KMT2D: variants seen among roughly 807,000 people sequenced by gnomAD.
KMT2D encodes the protein lysine methyltransferase 2D.
Under a neutral mutation model 512.7 loss-of-function variants are expected in KMT2D, and 55 were observed. The observed-to-expected ratio is 0.11, with a 90% CI of 0.09 to 0.13. The LOEUF is 0.13. Ranked by LOEUF, KMT2D falls within the 10% of genes least tolerant of loss-of-function variation. The pLI is 1.00. For missense variants in KMT2D, 6,061 were observed against 7,127.9 expected, an observed-to-expected ratio of 0.85 and a Z score of 5.39; for synonymous variants, 2,995 against 2,904.0, an observed-to-expected ratio of 1.03 and a Z score of -1.01.
rs758096542 is a variant in KMT2D at position 49,054,178 on chromosome 12, T to C, written c.511-38A>G. On this transcript the variant is annotated intron_variant, in intron 5 of 54. Transcript: ENST00000301067. The surrounding 1 kb of genome is among the most constrained non-coding windows in gnomAD (Gnocchi z 6.4). Reference sequence around the variant, plus strand: ...AAAAAGAGCCTCAGTGTCAGCCAGCTCTCCCCAGACAAACAGTTCAGGCAC... The same window carrying C: ...AAAAAGAGCCTCAGTGTCAGCCAGCCCTCCCCAGACAAACAGTTCAGGCAC... 6.4e-7 allele frequency: 1 copy of C among 1,556,594 alleles called. No individual in the cohort carries two copies.
Position 49,046,853 on chromosome 12 carries a change from T to C in KMT2D, c.4237-63A>G. 7.5e-7 allele frequency: 1 copy of C among 1,326,412 alleles called. No homozygotes were observed. Among genetic ancestry groups the C allele is most frequent in the Non-Finnish European group, 1.0e-6 (1 of 976,356 alleles). 82.2% of individuals were successfully genotyped at this position (1,326,412 alleles called of 1,614,324 possible). A position where few individuals can be genotyped will look rare whatever the true frequency, so the allele number is the denominator to read the frequency against. On this transcript the variant is annotated intron_variant, in intron 15 of 54. Coordinates refer to ENST00000301067, the MANE Select transcript of KMT2D (RefSeq NM_003482.4). The surrounding 1 kb of genome is among the most constrained non-coding windows in gnomAD (Gnocchi z 4.2). ...GGAAAAGAGGTAGAACTTCTTTTTATTTTTTTTTGGAGATGGAGTTTTGCT... is the reference window on the plus strand; with the variant it reads ...GGAAAAGAGGTAGAACTTCTTTTTACTTTTTTTTGGAGATGGAGTTTTGCT...
Position 49,038,876 on chromosome 12 carries a change from G to T in KMT2D, c.8480C>A (p.Thr2827Asn). 1 of 1,551,890 alleles carries T rather than the reference G, an allele frequency of 6.4e-7. No individual in the cohort carries two copies. Among genetic ancestry groups the T allele is most frequent in the Non-Finnish European group, 8.7e-7 (1 of 1,147,118 alleles). ...AGCTGACATGGCAAATCGCATGGAG[G>T]TTGCTGCTGTTGCCTGTTGTTGCTG... ...LWQQQQATAA[T>N]SMRFAMSARF... Residue 2827 changes from threonine (T) to asparagine (N), a missense_variant, in exon 35 of 55, where the codon ACC becomes AAC. Thr to Asn is a moderately conservative substitution (Grantham distance 65). Coordinates refer to ENST00000301067, the MANE Select transcript of KMT2D (RefSeq NM_003482.4). The surrounding 1 kb of genome is among the most constrained non-coding windows in gnomAD (Gnocchi z 5.7).
rs2120549404 is a variant in KMT2D at position 49,041,604 on chromosome 12, A to G, written c.6234+51T>C. 1 of 1,612,972 alleles carries G rather than the reference A, an allele frequency of 6.2e-7. No individual in the cohort carries two copies. The highest frequency in any genetic ancestry group is 8.5e-7 in the Non-Finnish European group (1 of 1,179,346). The stretch of plus-strand genomic sequence containing the variant: ...CAGGCCCCATGGCCCTCCACCCTCA[A>G]GAGAGGCCACCCACTAGAGGACTGC... On this transcript the variant is annotated intron_variant, in intron 31 of 54. Transcript: ENST00000301067. This position sits in a 1 kb window ranked among gnomAD's most constrained non-coding sequence, Gnocchi z 5.4.
In KMT2D at chr12:49,054,577, C is replaced by T. The variant is rs1327465795; in HGVS notation, c.351G>A (p.Gln117=). Residue 117 remains glutamine, a synonymous_variant, in exon 4 of 55, where the codon CAG becomes CAA. Transcript: ENST00000301067. The surrounding 1 kb of genome is among the most constrained non-coding windows in gnomAD (Gnocchi z 6.4). Reference sequence around the variant, plus strand: ...GTGTAAGGCCCTCAGGGAAACCAATCTGTGATAGGTCCTCACTGGGCAGCA... The same window carrying T: ...GTGTAAGGCCCTCAGGGAAACCAATTTGTGATAGGTCCTCACTGGGCAGCA... ...EAVLPSEDLS[Q]IGFPEGLTPA... 1 of 1,613,184 alleles carries T rather than the reference C, an allele frequency of 6.2e-7. No individual in the cohort carries two copies. The highest frequency in any genetic ancestry group is 8.5e-7 in the Non-Finnish European group (1 of 1,179,496).
intron 15 of KMT2D, among the ~76,000 whole-genome samples, chr12:49,047,020 G>T (rs910809853): frequency 4.6e-5 from 7 of 151,758 alleles, no homozygotes; most frequent in African/African-American, 1.2e-4. Context: ...TAATTTTTTT[G>T]TATTTAGTAG....
rs1428922031 is a variant in KMT2D at position 49,022,367 on chromosome 12, G to A, written c.16339-14C>T. On this transcript the variant is annotated splice_polypyrimidine_tract_variant and intron_variant, in intron 52 of 54. Coordinates refer to ENST00000301067, the MANE Select transcript of KMT2D (RefSeq NM_003482.4). This position sits in a 1 kb window ranked among gnomAD's most constrained non-coding sequence, Gnocchi z 8.6. ...GATGCCTCGATTCTAGAAAGGCAGA[G>A]GTTGCAGAAGAAGGGACAAGAGTAT... is the stretch of plus-strand genomic sequence containing the variant. 6.3e-7 allele frequency: 1 copy of A among 1,598,578 alleles called. No homozygotes were observed. The highest frequency in any genetic ancestry group is 2.2e-5 in the East Asian group (1 of 44,480).
Position 49,050,107 on chromosome 12 carries a change from C to T in KMT2D, c.3481G>A (p.Ala1161Thr), listed in dbSNP as rs771857122. The T allele has an allele frequency of 6.2e-7, 1 of 1,613,472 alleles. No individual in the cohort carries two copies. The highest frequency in any genetic ancestry group is 1.3e-5 in the African/African-American group (1 of 75,036). ...TAGACCTCCATAGGGGTCACAGGGG[C>T]CAGCTCCTCGGGGTCCAGGAGCACA... ...SPVLLDPEEL[A>T]PVTPMEVYPE... Residue 1161 changes from alanine to threonine, a missense_variant, in exon 12 of 55, where the codon GCC (alanine) becomes ACC (threonine). By Grantham distance (58) the Ala-to-Thr change is moderately conservative. Transcript: ENST00000301067.
chr12:49,038,395 G>A lies in KMT2D; in HGVS notation c.8961C>T (p.Pro2987=), dbSNP rs2120496267. The change falls in exon 35 of 55, where the codon CCC becomes CCT. Residue 2987 remains proline (P), a synonymous_variant. Transcript: ENST00000301067. This position sits in a 1 kb window ranked among gnomAD's most constrained non-coding sequence, Gnocchi z 5.7. The part of the protein sequence containing the change: ...NPLALEAGKL[P]CEDPELDDDF... ...CGTCATCCAGCTCGGGATCCTCACA[G>A]GGCAACTTCCCAGCTTCCAGGGCCA... 2 of 1,613,846 alleles carry A rather than the reference G, an allele frequency of 1.2e-6. No homozygotes were observed. The highest frequency in any genetic ancestry group is 2.7e-5 in the African/African-American group (2 of 75,030).
chr12:49,040,679 C>T lies in KMT2D; in HGVS notation c.7091G>A (p.Ser2364Asn), dbSNP rs758139100. The T allele has an allele frequency of 1.2e-6, 2 of 1,613,746 alleles. No individual in the cohort carries two copies. The highest frequency in any genetic ancestry group is 8.5e-7 in the Non-Finnish European group (1 of 1,179,800). ...GCCAGGGCGAAAGATGTCTGGGTGA[C>T]TTGGAGGAGAAGGTGCCAAAGCCTG... The part of the protein sequence containing the change: ...PAQALAPSPP[S>N]HPDIFRPGSY... Residue 2364 changes from serine to asparagine, a missense_variant, in exon 32 of 55, where the codon AGT becomes AAT. Ser to Asn is a conservative substitution (Grantham distance 46, BLOSUM62 1). Coordinates refer to ENST00000301067, the MANE Select transcript of KMT2D (RefSeq NM_003482.4).
rs1221232878 is a variant in KMT2D at position 49,037,429 on chromosome 12, G to T, written c.9927C>A (p.Ser3309=). ...HEGSSPSLAG[S]QQQLSLGLAG... is the part of the protein sequence containing the mutation. ...CAAGACCCAGGGAAAGCTGCTGTTG[G>T]GACCCAGCCAAACTGGGAGAAGAGC... is the stretch of plus-strand genomic sequence containing the variant. Residue 3309 remains serine, a synonymous_variant, in exon 35 of 55, where the codon TCC becomes TCA. Transcript: ENST00000301067. 1.3e-6 allele frequency: 2 copies of T among 1,594,048 alleles called. No individual in the cohort carries two copies. The highest frequency in any genetic ancestry group is 1.1e-5 in the South Asian group (1 of 88,040).
At position 49,050,375 on chromosome 12, in the gene KMT2D, G is replaced by A. The variant is rs764855825; in HGVS notation, c.3213C>T (p.His1071=). The change falls in exon 12 of 55, where the codon CAC becomes CAT. Residue 1071 remains histidine (H), a synonymous_variant. Coordinates refer to ENST00000301067, the MANE Select transcript of KMT2D (RefSeq NM_003482.4). ...VVGVSDEAEL[H]EMETEKVSEP... is the part of the protein sequence containing the mutation. ...CTGAAACTTTCTCAGTCTCCATCTC[G>A]TGCAGCTCAGCCTCATCTGAGACCC... is the stretch of plus-strand genomic sequence containing the variant. 53 of 1,612,630 alleles carry A rather than the reference G, an allele frequency of 3.3e-5. No individual in the cohort carries two copies. The highest frequency in any genetic ancestry group is 1.1e-4 in the South Asian group (10 of 90,894).
At chr12:49,036,874 T>TTTTG (rs1943248825) in intron 35 of KMT2D, among the ~76,000 whole-genome samples, 1 of 152,238 alleles carries the variant, frequency 6.6e-6, no homozygotes, top group African/African-American at 2.4e-5. Flanking sequence ...AAGGCTCTGC[T>TTTTG]AATTAGGCTT....
chr12:49,030,395 G>T lies in KMT2D; in HGVS notation c.13884C>A (p.Pro4628=). ...TCTGCTGCACCGATGGGGGTGGGGT[G>T]GGGGGCAGCGACGAGGGTGGTGTCG... ...NPPTPPSSLP[P]TPPPSVQQKM... is the part of the protein sequence containing the mutation. The change falls in exon 43 of 55, where the codon CCC becomes CCA. Residue 4628 remains proline, a synonymous_variant. Transcript: ENST00000301067. 1 of 1,573,180 alleles carries T rather than the reference G, an allele frequency of 6.4e-7. No homozygotes were observed. The highest frequency in any genetic ancestry group is 8.7e-7 in the Non-Finnish European group (1 of 1,154,102).
Position 49,046,344 on chromosome 12 carries a change from G to A in KMT2D, c.4499C>T (p.Pro1500Leu), listed in dbSNP as rs1943784500. The A allele has an allele frequency of 6.2e-7, 1 of 1,613,822 alleles. No homozygotes were observed. The highest frequency in any genetic ancestry group is 8.5e-7 in the Non-Finnish European group (1 of 1,179,884). The change falls in exon 17 of 55, where the codon CCC becomes CTC. Residue 1500 changes from proline (P) to leucine (L), a missense_variant. Physicochemically the swap from Pro to Leu is moderately conservative, Grantham distance 98. Coordinates refer to ENST00000301067, the MANE Select transcript of KMT2D (RefSeq NM_003482.4). This position sits in a 1 kb window ranked among gnomAD's most constrained non-coding sequence, Gnocchi z 4.2. ...EWQNSYTHCG[P>L]CASLVTCPIC... ...AGGGCAGGTCACCAGGCTGGCACAG[G>A]GCCCACAGTGTGTGTAACTATTCTG...
intron 51 of KMT2D, among the ~76,000 whole-genome samples, 164 bp from the exon 52 acceptor site, chr12:49,023,039 G>A (rs550899226): frequency 2.9e-4 from 44 of 152,124 alleles, no homozygotes; most frequent in Non-Finnish European, 6.3e-4. Flanking sequence ...AGGCAACTGG[G>A]TCTCAGCTCT....
At position 49,038,877 on chromosome 12, in the gene KMT2D, T is replaced by C. The variant is rs989057269; in HGVS notation, c.8479A>G (p.Thr2827Ala). ...GCTGACATGGCAAATCGCATGGAGG[T>C]TGCTGCTGTTGCCTGTTGTTGCTGC... The part of the protein sequence containing the change: ...LWQQQQATAA[T>A]SMRFAMSARF... The change falls in exon 35 of 55, where the codon ACC (threonine) becomes GCC (alanine). Residue 2827 changes from threonine (T) to alanine (A), a missense_variant. Thr to Ala is a moderately conservative substitution (Grantham distance 58). This residue lies in a region of KMT2D where 527 missense variants were observed against 578.9 expected (regional missense o/e 0.91). Transcript: ENST00000301067. The surrounding 1 kb of genome is among the most constrained non-coding windows in gnomAD (Gnocchi z 5.7). 12 of 1,551,530 alleles carry C rather than the reference T, an allele frequency of 7.7e-6. No homozygotes were observed. In the African/African-American group the frequency reaches 1.4e-4, roughly 18 times the overall value.
Position 49,052,280 on chromosome 12 carries a change from G to A in KMT2D, c.1403C>T (p.Ser468Leu), listed in dbSNP as rs2120684498. The change falls in exon 11 of 55, where the codon TCA becomes TTA. Residue 468 changes from serine to leucine, a missense_variant. Ser to Leu is a moderately radical substitution (Grantham distance 145, BLOSUM62 -2). This residue lies in a region of KMT2D where 848 missense variants were observed against 838.5 expected (regional missense o/e 1.01). Coordinates refer to ENST00000301067, the MANE Select transcript of KMT2D (RefSeq NM_003482.4). ...TGCGGGCAATTCCTCAGGTGGTGGTGACAGGCGTGATGCCTCAGGTGGTGG... is the reference window on the plus strand; with the variant it reads ...TGCGGGCAATTCCTCAGGTGGTGGTAACAGGCGTGATGCCTCAGGTGGTGG... ...TSPPPEASRL[S>L]PPPEELPASP... The A allele has an allele frequency of 2.5e-6, 4 of 1,605,666 alleles. No individual in the cohort carries two copies. The highest frequency in any genetic ancestry group is 3.4e-6 in the Non-Finnish European group (4 of 1,175,024).
At position 49,046,491 on chromosome 12, in the gene KMT2D, C is replaced by T. The variant is rs1024396142; in HGVS notation, c.4419-67G>A. On this transcript the variant is annotated intron_variant, in intron 16 of 54. Transcript: ENST00000301067. The surrounding 1 kb of genome is among the most constrained non-coding windows in gnomAD (Gnocchi z 4.2). Reference sequence around the variant, plus strand: ...CCGAAGTACCCAGAAGTCCCCTCACCGGAAACCCAAGCCACCAGCCTGGCC... The same window carrying T: ...CCGAAGTACCCAGAAGTCCCCTCACTGGAAACCCAAGCCACCAGCCTGGCC... The T allele has an allele frequency of 1.0e-5, 16 of 1,591,034 alleles. No homozygotes were observed. The highest frequency in any genetic ancestry group is 3.3e-4 in the Middle Eastern group (2 of 5,990).
Position 49,033,695 on chromosome 12 carries a change from G to A in KMT2D, c.11010C>T (p.Gly3670=), listed in dbSNP as rs1295035579. The A allele has an allele frequency of 1.9e-6, 3 of 1,613,562 alleles. No homozygotes were observed. The highest frequency in any genetic ancestry group is 2.5e-6 in the Non-Finnish European group (3 of 1,179,880). ...GGGCCAGAGCTGTATTAAGGAAGGG[G>A]CCACCAGGCTGTCCAGGTAGTGCCA... is the stretch of plus-strand genomic sequence containing the variant. ...GGMALPGQPG[G]PFLNTALAQQ... The change falls in exon 40 of 55, where the codon GGC becomes GGT. Residue 3670 remains glycine (G), a synonymous_variant. Transcript: ENST00000301067.
Sources: allele counts gnomAD v4.1 joint callset (sites outside exome capture counted in the v4.1 genomes callset), GRCh38; gene constraint gnomAD v4.1.1; regional missense constraint gnomAD v4.1.1; non-coding constraint Gnocchi (gnomAD v3.1); transcripts MANE v1.5; gene names NCBI Gene and HGNC (gene_info 2026-07-23, HGNC 2026-07-21).